The following TOP2B variants were observed in gnomAD, a reference collection of about 807,000 sequenced individuals.
TOP2B encodes the protein DNA topoisomerase II beta, also known as DNA topoisomerase 2-beta.
Under a neutral mutation model 193.5 loss-of-function variants are expected in TOP2B, and 51 were observed. The ratio of observed to expected loss-of-function variants is 0.26; its 90% CI spans 0.21 to 0.33. The LOEUF (loss-of-function observed/expected upper bound fraction) is 0.33, where lower values mean the gene tolerates loss of function less well. TOP2B is among the 10% of genes least tolerant of loss of function. TOP2B has a pLI of 1.00. For missense variants in TOP2B, 1,378 were observed against 1,909.3 expected, an observed-to-expected ratio of 0.72 and a Z score of 5.19; for synonymous variants, 634 against 635.7, an observed-to-expected ratio of 1.00 and a Z score of 0.04.
At chr3:25,617,650 A>G (rs1702540638) in intron 25 of TOP2B, among the ~76,000 whole-genome samples, 1 of 152,190 alleles carries the variant, frequency 6.6e-6, no homozygotes, top group Non-Finnish European at 1.5e-5. Flanking sequence ...TATATGCACA[A>G]AATAATCTAA....
intron 7 of TOP2B, among the ~76,000 whole-genome samples, chr3:25,634,935 T>C (rs1234997653): frequency 6.6e-6 from 1 of 151,860 alleles, no homozygotes; most frequent in African/African-American, 2.4e-5. Flanking sequence ...GGCATAAACT[T>C]ATAAAGGTCA....
chr3:25,657,809 C>A (rs1424395534), intron 1 of TOP2B, among the ~76,000 whole-genome samples: 1 of 152,156 alleles, frequency 6.6e-6, no homozygotes, highest in Non-Finnish European at 1.5e-5. Context: ...CGCCTGTAAT[C>A]CCAGCACTTT....
chr3:25,602,093 T>G (rs1315429297), intron 33 of TOP2B, among the ~76,000 whole-genome samples: 1 of 152,178 alleles, frequency 6.6e-6, no homozygotes, highest in Non-Finnish European at 1.5e-5. Flanking sequence ...TCTGCAGTTC[T>G]ATGTGAAAAC....
At chr3:25,642,135 C>A (rs1035020107) in intron 4 of TOP2B, among the ~76,000 whole-genome samples, 187 bp downstream of exon 4, 2 of 151,894 alleles carry the variant, frequency 1.3e-5, no homozygotes. Flanking sequence ...CCAAGAGCCC[C>A]GATAGGGAAG....
At chr3:25,656,987 G>C (rs926896216) in intron 1 of TOP2B, among the ~76,000 whole-genome samples, 4 of 152,168 alleles carry the variant, frequency 2.6e-5, no homozygotes, top group African/African-American at 9.7e-5. Flanking sequence ...TAGAGGCTAT[G>C]CAAAAACAAA....
rs1358515546 is a variant in TOP2B at position 25,605,943 on chromosome 3, A to G, written c.4378+100T>C. 54 of 622,610 alleles carry G rather than the reference A, an allele frequency of 8.7e-5. No individual in the cohort carries two copies. In the East Asian group the frequency reaches 1.9e-3, roughly 22 times the overall value. The allele number at this position is 622,610 out of a possible 1,614,324, so 38.6% of individuals were successfully genotyped here. On this transcript the variant is annotated intron_variant, in intron 32 of 35. Transcript: ENST00000264331. ...AAAGGAAGTTTTCTACTCATTAAAA[A>G]TTCTGAAGTTAAATCATGACCTAAC...
chr3:25,634,421 G>A (rs1187191740), intron 7 of TOP2B, among the ~76,000 whole-genome samples: 3 of 152,082 alleles, frequency 2.0e-5, no homozygotes, highest in African/African-American at 7.2e-5. Flanking sequence ...GAGATCACAG[G>A]AGAGCTGGCC....
intron 27 of TOP2B, 144 bp downstream of exon 27, chr3:25,615,061 T>A (rs1559495082): frequency 1.8e-6 from 1 of 540,760 alleles, no homozygotes; most frequent in Non-Finnish European, 3.1e-6. Flanking sequence ...TAACTTCACA[T>A]AACTAGAAGC....
chr3:25,664,367 C>G lies in TOP2B; in HGVS notation c.-70G>C, dbSNP rs1031134538. On this transcript the variant is annotated 5_prime_UTR_variant, in exon 1 of 36. Coordinates refer to ENST00000264331, the MANE Select transcript of TOP2B (RefSeq NM_001330700.2). ...TCCCGCCTCCCTGCGGGCCGCTGGG[C>G]CCCGCCGCTCCGCACCCACCGCTCC... is the stretch of plus-strand genomic sequence containing the variant. 1.8e-5 allele frequency: 25 copies of G among 1,380,236 alleles called. No individual in the cohort carries two copies. The highest frequency in any genetic ancestry group is 3.8e-5 in the Admixed American group (1 of 26,172). 85.5% of individuals were successfully genotyped at this position (1,380,236 alleles called of 1,614,324 possible). A position where few individuals can be genotyped will look rare whatever the true frequency, so the allele number is the denominator to read the frequency against.
At chr3:25,629,909 C>T in intron 13 of TOP2B, 120 bp downstream of exon 13, 2 of 1,070,262 alleles carry the variant, frequency 1.9e-6, no homozygotes, top group African/African-American at 1.6e-5. Context: ...TTCATTTTTT[C>T]CTCCTGATGT....
chr3:25,602,409 AG>A lies in TOP2B; in HGVS notation c.4490-1185del, dbSNP rs763639238. Among the ~76,000 whole-genome samples, 584 of 115,658 alleles carry A rather than the reference AG, an allele frequency of 5.0e-3. 2 individuals are homozygous for A. The highest frequency in any genetic ancestry group is 6.1e-3 in the Non-Finnish European group (379 of 62,078). The allele number at this position is 115,658 out of a possible 152,430, so 75.9% of individuals were successfully genotyped here. On this transcript the variant is annotated intron_variant, in intron 33 of 35. Transcript: ENST00000264331. ...AAGACTCTGTCTCAAAAAAAAAAAA[AG>A]AAAAAGAAAAAAAAAAAACTGATAA...
At chr3:25,639,837 G>A (rs908315819) in intron 4 of TOP2B, among the ~76,000 whole-genome samples, 5 of 152,220 alleles carry the variant, frequency 3.3e-5, no homozygotes, top group African/African-American at 1.2e-4. Flanking sequence ...GAATACTATG[G>A]AGGAAAAGAA....
At chr3:25,619,236 TG>T (rs1369892864) in intron 23 of TOP2B, among the ~76,000 whole-genome samples, 1 of 152,032 alleles carries the variant, frequency 6.6e-6, no homozygotes, top group Admixed American at 6.5e-5. Flanking sequence ...CCATATATTC[TG>T]TGTATACGCA....
chr3:25,606,405 G>A (rs1362873666), intron 31 of TOP2B, among the ~76,000 whole-genome samples: 2 of 151,868 alleles, frequency 1.3e-5, no homozygotes. Flanking sequence ...ACTAAGCAAT[G>A]GTTTAAAGTT....
At position 25,598,080 on chromosome 3, in the gene TOP2B, A is replaced by G. The variant is rs918744385; in HGVS notation, c.*227T>C. On this transcript the variant is annotated 3_prime_UTR_variant, in exon 36 of 36. Coordinates refer to ENST00000264331, the MANE Select transcript of TOP2B (RefSeq NM_001330700.2). Reference sequence around the variant, plus strand: ...AATCTGTGCTAATGCACGGCAGTCTATAACAATTCTACAAGCCAATCAGAC... The same window carrying G: ...AATCTGTGCTAATGCACGGCAGTCTGTAACAATTCTACAAGCCAATCAGAC... 3 of 360,212 alleles carry G rather than the reference A, an allele frequency of 8.3e-6. No individual in the cohort carries two copies. The highest frequency in any genetic ancestry group is 7.2e-5 in the South Asian group (1 of 13,968). 22.3% of individuals were successfully genotyped at this position (360,212 alleles called of 1,614,324 possible).
chr3:25,633,113 C>T (rs893294135), intron 8 of TOP2B, among the ~76,000 whole-genome samples: 1 of 152,024 alleles, frequency 6.6e-6, no homozygotes, highest in Non-Finnish European at 1.5e-5. Context: ...ATACTAACTA[C>T]CTGGAGTTAG....
chr3:25,638,333 A>T (rs768909310), intron 4 of TOP2B, 23 bp from the exon 5 acceptor site: 2 of 1,347,960 alleles, frequency 1.5e-6, no homozygotes, highest in Admixed American at 7.0e-5. Context: ...AAAAAAAAAA[A>T]AAAAAAAAAA....
intron 13 of TOP2B, 149 bp downstream of exon 13, chr3:25,629,880 C>T: frequency 2.5e-6 from 2 of 794,150 alleles, no homozygotes; most frequent in East Asian, 2.8e-5. Context: ...AAAATGTTTC[C>T]ACTAAATGAC....
At chr3:25,628,102 A>C (rs1291767538) in intron 15 of TOP2B, among the ~76,000 whole-genome samples, 2 of 150,864 alleles carry the variant, frequency 1.3e-5, no homozygotes, top group Non-Finnish European at 3.0e-5. Flanking sequence ...AAAATAAAAA[A>C]CTCTAAAAAT....
Sources: allele counts gnomAD v4.1 joint callset (sites outside exome capture counted in the v4.1 genomes callset), GRCh38; gene constraint gnomAD v4.1.1; transcripts MANE v1.5; gene names NCBI Gene and HGNC (gene_info 2026-07-23, HGNC 2026-07-21).